Variants in CYTIP observed in about 807,000 individuals in gnomAD.
The protein encoded by CYTIP is cytohesin-interacting protein.
A neutral mutation model predicts 43.8 loss-of-function variants in CYTIP; 26 were observed. That is an observed-to-expected ratio of 0.59 (90% CI 0.44 to 0.82). The LOEUF (loss-of-function observed/expected upper bound fraction) is 0.82. Ranked by LOEUF, CYTIP falls within the 40% of genes least tolerant of loss-of-function variation. CYTIP has a pLI of 0.00. For synonymous variants in CYTIP, 162 were observed against 162.9 expected (o/e 0.99, Z 0.04); for missense variants, 426 against 443.1 (o/e 0.96, Z 0.35).
At chr2:157,443,764 C>G (rs1685952512) in intron 1 of CYTIP, 83 bp downstream of exon 1, 13 of 1,408,788 alleles carry the variant, frequency 9.2e-6, no homozygotes, top group Admixed American at 3.9e-5. Flanking sequence ...AAAATATCAC[C>G]ATTAGTATGA....
chr2:157,415,466 A>G lies in CYTIP; in HGVS notation c.*211T>C. 6.0e-6 allele frequency: 3 copies of G among 500,948 alleles called. No individual in the cohort carries two copies. The highest frequency in any genetic ancestry group is 5.3e-4 in the Middle Eastern group (1 of 1,894). The allele number at this position is 500,948 out of a possible 1,614,324, so 31.0% of individuals were successfully genotyped here. A position where few individuals can be genotyped will look rare whatever the true frequency, so the allele number is the denominator to read the frequency against. On this transcript the variant is annotated 3_prime_UTR_variant, in exon 8 of 8. Coordinates refer to ENST00000264192, the MANE Select transcript of CYTIP (RefSeq NM_004288.5). The stretch of plus-strand genomic sequence containing the variant: ...TGTTATATTAATTAACTTATTATTT[A>G]GTTTTCCTGTCTGCTTAGAAATTGG...
chr2:157,429,768 A>G (rs1046931795), intron 5 of CYTIP, among the ~76,000 whole-genome samples: 25 of 152,282 alleles, frequency 1.6e-4, no homozygotes, highest in African/African-American at 5.8e-4. Flanking sequence ...TCATGCCTGT[A>G]ATCCCAGCAC....
At chr2:157,435,494 C>G (rs1685796143) in intron 1 of CYTIP, among the ~76,000 whole-genome samples, 1 of 152,192 alleles carries the variant, frequency 6.6e-6, no homozygotes, top group Admixed American at 6.5e-5. Flanking sequence ...CTTCATTCCT[C>G]TGCACTTTTG....
intron 5 of CYTIP, among the ~76,000 whole-genome samples, chr2:157,429,195 T>C (rs1685659269): frequency 6.6e-6 from 1 of 152,240 alleles, no homozygotes; most frequent in Non-Finnish European, 1.5e-5. Context: ...TTTCTTATTA[T>C]ACCCTCTCTA....
rs143605620 is a variant in CYTIP at position 157,441,463 on chromosome 2, A to G, written c.174+2384T>C. 1.8e-4 allele frequency among the ~76,000 whole-genome samples: 27 copies of G among 152,330 alleles called. 1 individual carries two copies. The East Asian group carries it at 3.7e-3, about 21-fold the overall frequency. ...ACAACAGTAAGAAAAAGCTGTTTGA[A>G]TATGGAAAGTCTACCACATGAAAGA... On this transcript the variant is annotated intron_variant, in intron 1 of 7. Coordinates refer to ENST00000264192, the MANE Select transcript of CYTIP (RefSeq NM_004288.5).
At position 157,418,529 on chromosome 2, in the gene CYTIP, G is replaced by A; in HGVS notation, c.607C>T (p.Leu203Phe). ...RSLQLQEHRL[L>F]HGDAANCPSL... The stretch of plus-strand genomic sequence containing the variant: ...AACAGGAAATTGCATTTACCATGAA[G>A]CAGACGATGTTCCTGTAACTGCAGA... Residue 203 changes from leucine (L) to phenylalanine (F), a missense_variant, in exon 7 of 8, where the codon CTT (leucine) becomes TTT (phenylalanine). Transcript: ENST00000264192. The A allele has an allele frequency of 1.3e-6, 2 of 1,591,940 alleles. No individual in the cohort carries two copies. Among genetic ancestry groups the A allele is most frequent in the Admixed American group, 1.7e-5 (1 of 57,392 alleles).
At chr2:157,418,981 T>C (rs1016663846) in intron 6 of CYTIP, among the ~76,000 whole-genome samples, 7 of 152,212 alleles carry the variant, frequency 4.6e-5, no homozygotes, top group Non-Finnish European at 8.8e-5. Context: ...AGAAATGTTA[T>C]GAGGATTAGA....
At chr2:157,424,229 G>A (rs892275149) in intron 6 of CYTIP, among the ~76,000 whole-genome samples, 1 of 152,088 alleles carries the variant, frequency 6.6e-6, no homozygotes, top group Non-Finnish European at 1.5e-5. Context: ...TATTAGAATA[G>A]ATATTACTAT....
At chr2:157,431,417 G>A (rs1341442973) in intron 3 of CYTIP, among the ~76,000 whole-genome samples, 2 of 152,154 alleles carry the variant, frequency 1.3e-5, no homozygotes, top group African/African-American at 4.8e-5. Context: ...TTAAATCAGA[G>A]TTCTGCACAT....
chr2:157,415,931 G>T lies in CYTIP; in HGVS notation c.826C>A (p.Arg276=). 1 of 1,614,178 alleles carries T rather than the reference G, an allele frequency of 6.2e-7. No homozygotes were observed. ...SEDSSRGAFS[R]QTSTDDECFI... ...CACTCATCATCTGTACTCGTCTGCCGACTGAAGGCACCCCTGCTGGAGTCC... is the reference window on the plus strand; with the variant it reads ...CACTCATCATCTGTACTCGTCTGCCTACTGAAGGCACCCCTGCTGGAGTCC... The change falls in exon 8 of 8, where the codon CGG becomes AGG. Residue 276 remains arginine, a synonymous_variant. Transcript: ENST00000264192.
intron 5 of CYTIP, among the ~76,000 whole-genome samples, chr2:157,428,380 A>G (rs906272782): frequency 6.6e-6 from 1 of 152,264 alleles, no homozygotes; most frequent in African/African-American, 2.4e-5. Flanking sequence ...GCATCATGCC[A>G]GGAATAATCA....
intron 3 of CYTIP, among the ~76,000 whole-genome samples, chr2:157,432,534 A>G (rs1685728444): frequency 6.6e-6 from 1 of 152,128 alleles, no homozygotes; most frequent in African/African-American, 2.4e-5. Context: ...TGCATGTATT[A>G]TTTCATTTAA....
At chr2:157,425,846 C>T (rs907224126) in intron 6 of CYTIP, among the ~76,000 whole-genome samples, 1 of 151,900 alleles carries the variant, frequency 6.6e-6, no homozygotes, top group Non-Finnish European at 1.5e-5. Flanking sequence ...AATGTAGCAA[C>T]AAAAATGTTA....
intron 7 of CYTIP, among the ~76,000 whole-genome samples, chr2:157,418,300 C>G (rs999486970): frequency 6.6e-6 from 1 of 152,188 alleles, no homozygotes; most frequent in Non-Finnish European, 1.5e-5. Context: ...CATCTGTGTG[C>G]ATGTGCATCT....
intron 6 of CYTIP, among the ~76,000 whole-genome samples, chr2:157,419,268 C>T (rs1227391449): frequency 6.6e-6 from 1 of 152,198 alleles, no homozygotes; most frequent in African/African-American, 2.4e-5. Flanking sequence ...AAAGGGATTA[C>T]AGGCGTGAGG....
chr2:157,435,224 C>A (rs569103246), intron 1 of CYTIP, among the ~76,000 whole-genome samples: 1 of 152,162 alleles, frequency 6.6e-6, no homozygotes, highest in Non-Finnish European at 1.5e-5. Context: ...GCATATGAAA[C>A]CCAAATACTT....
intron 6 of CYTIP, among the ~76,000 whole-genome samples, chr2:157,421,671 G>A (rs1263796907): frequency 6.6e-6 from 1 of 152,140 alleles, no homozygotes; most frequent in South Asian, 2.1e-4. Context: ...GGATCAGAAA[G>A]GACCACTGTT....
Position 157,444,067 on chromosome 2 carries a change from A to T in CYTIP, c.-47T>A. The T allele has an allele frequency of 6.3e-7, 1 of 1,580,402 alleles. No homozygotes were observed. Among genetic ancestry groups the T allele is most frequent in the Non-Finnish European group, 8.6e-7 (1 of 1,156,186 alleles). ...CTAGCACATGGTTGAGTGGCCTTGC[A>T]GGATGGGGGAAGCTAAAAGTACAAC... On this transcript the variant is annotated 5_prime_UTR_variant, in exon 1 of 8. Coordinates refer to ENST00000264192, the MANE Select transcript of CYTIP (RefSeq NM_004288.5).
chr2:157,427,456 G>A (rs765129689), intron 5 of CYTIP, 36 bp from the exon 6 acceptor site: 2 of 1,492,506 alleles, frequency 1.3e-6, no homozygotes, highest in South Asian at 1.2e-5. Context: ...AGGAAGGTGG[G>A]GAGTGAGTAA....
Sources: allele counts gnomAD v4.1 joint callset (sites outside exome capture counted in the v4.1 genomes callset), GRCh38; gene constraint gnomAD v4.1.1; transcripts MANE v1.5; gene names NCBI Gene and HGNC (gene_info 2026-07-23, HGNC 2026-07-21).